Variants in CCSER1 observed in about 807,000 individuals in gnomAD.
CCSER1 encodes the protein coiled-coil serine rich protein 1, also known as serine-rich coiled-coil domain-containing protein 1.
A neutral mutation model predicts 82.0 loss-of-function variants in CCSER1; 41 were observed. The observed-to-expected ratio is 0.50, with a 90% CI of 0.39 to 0.65. CCSER1 has a LOEUF of 0.65. Ranked by LOEUF, CCSER1 falls within the 30% of genes least tolerant of loss-of-function variation. The probability of loss-of-function intolerance (pLI) is 0.00; values close to 1 mark genes in which losing one functional copy is unlikely to be tolerated. For missense variants in CCSER1, 1,119 were observed against 1,064.2 expected, an observed-to-expected ratio of 1.05 and a Z score of -0.72; for synonymous variants, 414 against 383.9, an observed-to-expected ratio of 1.08 and a Z score of -0.92.
chr4:90,893,776 C>T (rs62312269), intron 8 of CCSER1, among the ~76,000 whole-genome samples: 50 of 108,090 alleles, frequency 4.6e-4, no homozygotes, highest in African/African-American at 1.1e-3. Flanking sequence ...TGTGTGTGTG[C>T]GTGTGTGTGT....
At chr4:90,854,487 A>G (rs1443183554) in intron 8 of CCSER1, among the ~76,000 whole-genome samples, 1 of 152,152 alleles carries the variant, frequency 6.6e-6, no homozygotes, top group Non-Finnish European at 1.5e-5. Flanking sequence ...ATTTTATTTT[A>G]GGAACTCATG....
intron 6 of CCSER1, among the ~76,000 whole-genome samples, chr4:90,645,131 A>T (rs1314770986): frequency 6.6e-6 from 1 of 151,914 alleles, no homozygotes; most frequent in Non-Finnish European, 1.5e-5. Flanking sequence ...TTTGCGGCAT[A>T]GTATTCCATT....
intron 6 of CCSER1, among the ~76,000 whole-genome samples, chr4:90,647,337 TTTG>T (rs1324402776): frequency 1.3e-5 from 2 of 152,220 alleles, no homozygotes; most frequent in East Asian, 1.9e-4. Flanking sequence ...AGGAGGGGTT[TTTG>T]TTGTTGTTGT....
intron 5 of CCSER1, among the ~76,000 whole-genome samples, chr4:90,488,730 C>T (rs17017055): frequency 0.027 from 4,034 of 152,124 alleles, 189 homozygotes; most frequent in African/African-American, 0.092. Flanking sequence ...ATAGAATGCT[C>T]GCTCTGAACA....
At chr4:90,993,203 TG>T (rs1737192260) in intron 9 of CCSER1, among the ~76,000 whole-genome samples, 1 of 152,100 alleles carries the variant, frequency 6.6e-6, no homozygotes, top group South Asian at 2.1e-4. Context: ...CATTTTTATG[TG>T]GACATCAATC....
chr4:90,764,505 C>G (rs1284860007), intron 7 of CCSER1, among the ~76,000 whole-genome samples: 1 of 151,838 alleles, frequency 6.6e-6, no homozygotes, highest in Non-Finnish European at 1.5e-5. Flanking sequence ...CAATTGTCAC[C>G]CAATAATGGT....
Position 91,090,508 on chromosome 4 carries a change from A to G in CCSER1, c.2217+4514A>G, listed in dbSNP as rs541160492. ...GACACCTAAGCCTTACTACAGGATG[A>G]GTGAATTCTTTTCCTTCTCTAGCTA... On this transcript the variant is annotated intron_variant, in intron 10 of 10. Coordinates refer to ENST00000509176, the MANE Select transcript of CCSER1 (RefSeq NM_001145065.2). Among the ~76,000 whole-genome samples the G allele has an allele frequency of 3.9e-5, 6 of 152,328 alleles. No individual in the cohort carries two copies. In the South Asian group the frequency reaches 1.2e-3, roughly 32 times the overall value.
chr4:90,887,198 T>A (rs1722257811), intron 8 of CCSER1, among the ~76,000 whole-genome samples: 1 of 152,152 alleles, frequency 6.6e-6, no homozygotes, highest in Non-Finnish European at 1.5e-5. Context: ...CCAAGAAGAA[T>A]TATACTGGCT....
chr4:91,089,415 G>T (rs1218345455), intron 10 of CCSER1, among the ~76,000 whole-genome samples: 1 of 152,186 alleles, frequency 6.6e-6, no homozygotes, highest in Non-Finnish European at 1.5e-5. Flanking sequence ...TCACTTCCTT[G>T]TTTCTTCTTA....
chr4:91,081,674 A>T (rs1396202093), intron 9 of CCSER1, among the ~76,000 whole-genome samples: 2 of 152,094 alleles, frequency 1.3e-5, no homozygotes, highest in African/African-American at 4.8e-5. Flanking sequence ...CCATCATCTG[A>T]GCCCAAAATC....
At chr4:91,070,492 C>T (rs1198635080) in intron 9 of CCSER1, among the ~76,000 whole-genome samples, 1 of 152,146 alleles carries the variant, frequency 6.6e-6, no homozygotes, top group East Asian at 1.9e-4. Context: ...CCCTAACCCC[C>T]AGGCCACGGA....
Position 91,322,912 on chromosome 4 carries a change from A to G in CCSER1, c.2217+236918A>G, listed in dbSNP as rs140282801. Among the ~76,000 whole-genome samples, 369 of 152,276 alleles carry G rather than the reference A, an allele frequency of 2.4e-3. 1 individual carries two copies. The highest frequency in any genetic ancestry group is 8.6e-3 in the African/African-American group (358 of 41,578). On this transcript the variant is annotated intron_variant, in intron 10 of 10. Coordinates refer to ENST00000509176, the MANE Select transcript of CCSER1 (RefSeq NM_001145065.2). ...GATAGAAGTAGAAATAGAGATAAAG[A>G]TGTTGGAATCCAAAACAGTCTTTCA... is the stretch of plus-strand genomic sequence containing the variant.
intron 9 of CCSER1, among the ~76,000 whole-genome samples, chr4:90,962,351 C>A (rs1290519890): frequency 1.3e-5 from 2 of 151,960 alleles, no homozygotes; most frequent in Non-Finnish European, 2.9e-5. Flanking sequence ...TTTGCAATAT[C>A]ACAGTCAAAA....
At chr4:90,746,056 A>G (rs1747405005) in intron 7 of CCSER1, among the ~76,000 whole-genome samples, 1 of 152,058 alleles carries the variant, frequency 6.6e-6, no homozygotes, top group Admixed American at 6.6e-5. Context: ...TGTACTTTCC[A>G]TTTAGTGCCC....
At chr4:90,961,896 C>A (rs1048314717) in intron 9 of CCSER1, among the ~76,000 whole-genome samples, 1 of 151,982 alleles carries the variant, frequency 6.6e-6, no homozygotes. Flanking sequence ...ACCTTTTTCT[C>A]ATTTAGCCTG....
At chr4:90,915,103 C>T (rs1044718245) in intron 8 of CCSER1, among the ~76,000 whole-genome samples, 6 of 152,148 alleles carry the variant, frequency 3.9e-5, no homozygotes, top group Non-Finnish European at 7.3e-5. Context: ...GGAGCTGGTA[C>T]CATTCCTTCT....
intron 10 of CCSER1, among the ~76,000 whole-genome samples, chr4:91,375,184 C>T (rs966861094): frequency 9.2e-5 from 14 of 152,128 alleles, no homozygotes; most frequent in Non-Finnish European, 1.5e-5. Context: ...GATGTTGATT[C>T]CAGCCTCCAT....
intron 5 of CCSER1, among the ~76,000 whole-genome samples, chr4:90,564,578 C>T (rs544809404): frequency 1.3e-5 from 2 of 152,128 alleles, no homozygotes; most frequent in South Asian, 4.2e-4. Flanking sequence ...TTTTTGAGGT[C>T]ATATCCAAAG....
chr4:90,150,683 G>A (rs1406759182), intron 1 of CCSER1, among the ~76,000 whole-genome samples: 1 of 151,992 alleles, frequency 6.6e-6, no homozygotes, highest in East Asian at 1.9e-4. Flanking sequence ...TTTATGTATA[G>A]GACAATGTAA....
Sources: allele counts gnomAD v4.1 joint callset (sites outside exome capture counted in the v4.1 genomes callset), GRCh38; gene constraint gnomAD v4.1.1; transcripts MANE v1.5; gene names NCBI Gene and HGNC (gene_info 2026-07-23, HGNC 2026-07-21).